Variants in XNDC1N observed in about 807,000 individuals in gnomAD.
XNDC1N encodes XRCC1 N-terminal domain containing 1, N-terminal like.
the XNDC1N span, among the ~76,000 whole-genome samples, chr11:71,882,802 G>T: frequency 6.6e-6 from 1 of 152,152 alleles, no homozygotes; most frequent in Non-Finnish European, 1.5e-5. Context: ...GGGTGGGAAT[G>T]AGTAAAATTA....
chr11:71,918,721 A>G, the XNDC1N span, among the ~76,000 whole-genome samples: 56 of 152,252 alleles, frequency 3.7e-4, 1 homozygote, highest in Middle Eastern at 6.8e-3. Context: ...CTCCACACAG[A>G]TCTGCTCCAA....
At chr11:71,909,366 A>G in the XNDC1N span, among the ~76,000 whole-genome samples, 5 of 151,890 alleles carry the variant, frequency 3.3e-5, no homozygotes, top group Non-Finnish European at 5.9e-5. Flanking sequence ...CTGGGAAAGA[A>G]ACTCAGCTTG....
the XNDC1N span, among the ~76,000 whole-genome samples, chr11:71,886,381 A>G: frequency 4.6e-5 from 7 of 151,948 alleles, no homozygotes; most frequent in African/African-American, 7.3e-5. Flanking sequence ...GATTATCAAA[A>G]CCCCCAAGAG....
At chr11:71,919,584 T>G in the XNDC1N span, among the ~76,000 whole-genome samples, 5 of 151,116 alleles carry the variant, frequency 3.3e-5, no homozygotes, top group Non-Finnish European at 7.4e-5. Context: ...GAGACGGGGT[T>G]TCCCCATTTT....
the XNDC1N span, among the ~76,000 whole-genome samples, chr11:71,902,658 C>G: frequency 1.3e-5 from 2 of 152,238 alleles, no homozygotes; most frequent in African/African-American, 4.8e-5. Context: ...GCATGTGGAA[C>G]TATTTTCTGC....
the XNDC1N span, chr11:71,917,309 T>G: frequency 1.5e-6 from 1 of 663,106 alleles, no homozygotes; most frequent in African/African-American, 1.8e-5. Context: ...CCACCACGCC[T>G]GGCCACAAAA....
At chr11:71,918,914 C>T in the XNDC1N span, 3 of 702,824 alleles carry the variant, frequency 4.3e-6, no homozygotes, top group African/African-American at 5.2e-5. Flanking sequence ...GGGCACTGCC[C>T]TCTCCAGCTG....
chr11:71,903,650 C>CTTT, the XNDC1N span: 4 of 347,548 alleles, frequency 1.2e-5, no homozygotes, highest in Middle Eastern at 9.2e-4. Flanking sequence ...TTTTTTTTTT[C>CTTT]TTTTTTTTTT....
At chr11:71,893,272 T>C in the XNDC1N span, 3 of 467,254 alleles carry the variant, frequency 6.4e-6, no homozygotes, top group Admixed American at 1.0e-4. Context: ...ACAGAAAGCC[T>C]TGTATAGCAA....
chr11:71,914,776 A>C, the XNDC1N span, among the ~76,000 whole-genome samples: 21 of 152,282 alleles, frequency 1.4e-4, no homozygotes, highest in Non-Finnish European at 2.9e-4. Flanking sequence ...TCAAGATAAA[A>C]CCTGAACAGA....
chr11:71,917,697 G>A, the XNDC1N span: 2 of 703,238 alleles, frequency 2.8e-6, no homozygotes, highest in Non-Finnish European at 5.2e-6. Context: ...TGGTTGCAGG[G>A]AGCAGGGTTA....
At chr11:71,913,391 G>A in the XNDC1N span, among the ~76,000 whole-genome samples, 2 of 151,978 alleles carry the variant, frequency 1.3e-5, no homozygotes, top group African/African-American at 2.4e-5. Context: ...AAGGTCACGG[G>A]GGGTGACCTT....
the XNDC1N span, among the ~76,000 whole-genome samples, chr11:71,912,279 A>C: frequency 6.6e-6 from 1 of 152,040 alleles, no homozygotes; most frequent in Non-Finnish European, 1.5e-5. Context: ...GGAGGTAAAA[A>C]GTATGTACTA....
chr11:71,892,068 A>G, the XNDC1N span, among the ~76,000 whole-genome samples: 2 of 152,084 alleles, frequency 1.3e-5, no homozygotes, highest in Non-Finnish European at 2.9e-5. Flanking sequence ...AACTTCTGTG[A>G]TATTGGAAGC....
the XNDC1N span, among the ~76,000 whole-genome samples, chr11:71,869,453 T>C: frequency 6.6e-6 from 1 of 152,230 alleles, no homozygotes; most frequent in African/African-American, 2.4e-5. Context: ...AATCTATCAC[T>C]GATGGGCATT....
At chr11:71,917,525 C>T in the XNDC1N span, 2 of 702,280 alleles carry the variant, frequency 2.8e-6, no homozygotes, top group East Asian at 2.7e-5. Context: ...CTCCCTCCCA[C>T]AGTCTACACC....
chr11:71,874,024 C>T, the XNDC1N span, among the ~76,000 whole-genome samples: 1 of 152,110 alleles, frequency 6.6e-6, no homozygotes, highest in East Asian at 1.9e-4. Flanking sequence ...GGATTTAAGA[C>T]ACATTTTAGG....
the XNDC1N span, among the ~76,000 whole-genome samples, chr11:71,871,732 A>G: frequency 6.6e-6 from 1 of 152,354 alleles, no homozygotes; most frequent in Middle Eastern, 3.4e-3. Context: ...CAAAGAAAAT[A>G]TGTGAATGGG....
the XNDC1N span, among the ~76,000 whole-genome samples, chr11:71,900,124 C>T: frequency 0.031 from 4,755 of 150,998 alleles, 19 homozygotes; most frequent in East Asian, 0.077. Flanking sequence ...CTCACATCTT[C>T]GTTGCTGACC....
Sources: allele counts gnomAD v4.1 joint callset (sites outside exome capture counted in the v4.1 genomes callset), GRCh38; gene constraint gnomAD v4.1.1; transcripts MANE v1.5; gene names NCBI Gene and HGNC (gene_info 2026-07-23, HGNC 2026-07-21).